BTBD7: variants seen among roughly 807,000 people sequenced by gnomAD.
BTBD7 encodes BTB domain containing 7.
Under a neutral mutation model 99.9 loss-of-function variants are expected in BTBD7, and 38 were observed. The observed-to-expected ratio is 0.38, with a 90% CI of 0.29 to 0.50. The LOEUF (loss-of-function observed/expected upper bound fraction) is 0.50, where lower values mean the gene tolerates loss of function less well. Ranked by LOEUF, BTBD7 falls within the 20% of genes least tolerant of loss-of-function variation. BTBD7 has a pLI of 0.93. For synonymous variants in BTBD7, 520 were observed against 511.4 expected, an observed-to-expected ratio of 1.02 and a Z score of -0.23; for missense variants, 1,170 against 1,394.6, an observed-to-expected ratio of 0.84 and a Z score of 2.57.
At chr14:93,329,707 C>G (rs752442807) in intron 1 of BTBD7, among the ~76,000 whole-genome samples, 1 of 152,206 alleles carries the variant, frequency 6.6e-6, no homozygotes, top group Non-Finnish European at 1.5e-5. Flanking sequence ...AGGACAAATA[C>G]TGTATAATTT....
At chr14:93,314,942 C>A (rs2053181460) in intron 1 of BTBD7, among the ~76,000 whole-genome samples, 1 of 151,956 alleles carries the variant, frequency 6.6e-6, no homozygotes, top group African/African-American at 2.4e-5. Flanking sequence ...TACAAATTTG[C>A]AACATTTTCT....
At chr14:93,292,225 T>C (rs940398078) in intron 3 of BTBD7, among the ~76,000 whole-genome samples, 3 of 152,050 alleles carry the variant, frequency 2.0e-5, no homozygotes, top group African/African-American at 7.2e-5. Flanking sequence ...AAGAATGCTT[T>C]CTCATACAAA....
rs202055956 is a variant in BTBD7 at position 93,242,464 on chromosome 14, G to A, written c.3208C>T (p.Pro1070Ser). 4.9e-5 allele frequency: 79 copies of A among 1,614,122 alleles called. No individual in the cohort carries two copies. Among genetic ancestry groups the A allele is most frequent in the Non-Finnish European group, 6.6e-5 (78 of 1,180,052 alleles). ...VETDLTFGLT[P>S]NRPSLSACSS... ...CATGCAGAAAGTGAAGGTCTGTTAG[G>A]AGTCAGCCCAAAAGTCAAGTCAGTT... The change falls in exon 11 of 11, where the codon CCT (proline) becomes TCT (serine). Residue 1070 changes from proline to serine, a missense_variant. By Grantham distance (74) the Pro-to-Ser change is moderately conservative (BLOSUM62 -1). Transcript: ENST00000334746.
At chr14:93,280,845 G>C (rs1427769078) in intron 3 of BTBD7, among the ~76,000 whole-genome samples, 1 of 148,366 alleles carries the variant, frequency 6.7e-6, no homozygotes, top group Admixed American at 6.9e-5. Flanking sequence ...TTATAAAAAG[G>C]CACCTTTTTT....
intron 1 of BTBD7, among the ~76,000 whole-genome samples, chr14:93,329,396 T>C (rs773534694): frequency 1.3e-5 from 2 of 152,090 alleles, no homozygotes; most frequent in Non-Finnish European, 2.9e-5. Context: ...GGTGAAGATG[T>C]AGAGAAACTG....
intron 9 of BTBD7, among the ~76,000 whole-genome samples, chr14:93,247,565 C>T (rs759940465): frequency 1.3e-5 from 2 of 152,112 alleles, no homozygotes; most frequent in Non-Finnish European, 2.9e-5. Flanking sequence ...AGGCTGGTCT[C>T]GAACTCCTGA....
rs2052426754 is a variant in BTBD7, at chr14:93,256,174, A to G, written c.1608+1021T>C. 3 of 152,136 alleles carry G rather than the reference A, an allele frequency of 2.0e-5. No individual in the cohort carries two copies. In the South Asian group the frequency reaches 6.2e-4, roughly 31 times the overall value. The allele number at this position is 152,136 out of a possible 1,614,324, so 9.4% of individuals were successfully genotyped here. A position where few individuals can be genotyped will look rare whatever the true frequency, so the allele number is the denominator to read the frequency against. ...TGTGTGCCAGTGAAACGATGGTTTA[A>G]CTTTCAATAAATTTCTTCTTCTGCT... On this transcript the variant is annotated intron_variant, in intron 6 of 10. Transcript: ENST00000334746.
intron 1 of BTBD7, among the ~76,000 whole-genome samples, chr14:93,305,016 A>G (rs2053054314): frequency 6.6e-6 from 1 of 152,224 alleles, no homozygotes; most frequent in Admixed American, 6.5e-5. Flanking sequence ...CCAAACTGTT[A>G]GATCATTAAA....
intron 10 of BTBD7, among the ~76,000 whole-genome samples, chr14:93,244,658 T>G (rs927614718): frequency 7.3e-5 from 11 of 151,664 alleles, no homozygotes; most frequent in African/African-American, 2.4e-4. Context: ...CTAAAATAAA[T>G]AAAGAAATAA....
intron 1 of BTBD7, among the ~76,000 whole-genome samples, chr14:93,306,166 T>C (rs1181337876): frequency 6.6e-6 from 1 of 152,090 alleles, no homozygotes; most frequent in Non-Finnish European, 1.5e-5. Context: ...GTAAGGGGAA[T>C]GGTGGAGAGG....
At chr14:93,258,590 A>G (rs1191585263) in intron 5 of BTBD7, among the ~76,000 whole-genome samples, 1 of 151,646 alleles carries the variant, frequency 6.6e-6, no homozygotes, top group South Asian at 2.1e-4. Flanking sequence ...TTATTTTTTT[A>G]TTATTATTTT....
intron 10 of BTBD7, among the ~76,000 whole-genome samples, 155 bp downstream of exon 10, chr14:93,245,670 T>C (rs868003908): frequency 1.3e-5 from 2 of 152,206 alleles, no homozygotes; most frequent in African/African-American, 2.4e-5. Flanking sequence ...ACTAGCGTTT[T>C]TCCCTCTTTT....
chr14:93,311,744 AATT>A (rs933496736), intron 1 of BTBD7, among the ~76,000 whole-genome samples: 8 of 131,488 alleles, frequency 6.1e-5, no homozygotes, highest in African/African-American at 2.4e-4. Context: ...AAATATTTTT[AATT>A]TTTTTTTTTT....
At position 93,332,860 on chromosome 14, in the gene BTBD7, G is replaced by T; in HGVS notation, c.-147C>A. 6.8e-7 allele frequency: 1 copy of T among 1,474,106 alleles called. No individual in the cohort carries two copies. The highest frequency in any genetic ancestry group is 3.0e-5 in the East Asian group (1 of 33,562). 91.3% of individuals were successfully genotyped at this position (1,474,106 alleles called of 1,614,324 possible). On this transcript the variant is annotated 5_prime_UTR_variant, in exon 1 of 11. Transcript: ENST00000334746. Reference sequence around the variant, plus strand: ...CGCCGCTGCTGCTGCCGCTGGGACCGCTGCCGTCGCCTCCGCCGCCGCCGC... The same window carrying T: ...CGCCGCTGCTGCTGCCGCTGGGACCTCTGCCGTCGCCTCCGCCGCCGCCGC...
chr14:93,319,144 T>C (rs1268195631), intron 1 of BTBD7, among the ~76,000 whole-genome samples: 1 of 152,168 alleles, frequency 6.6e-6, no homozygotes, highest in Non-Finnish European at 1.5e-5. Context: ...CATTTGAGGT[T>C]ACAGTGAGCA....
chr14:93,244,095 C>A, intron 10 of BTBD7: 4 of 484,146 alleles, frequency 8.3e-6, no homozygotes, highest in South Asian at 4.6e-5. Context: ...AGAGGAAGGG[C>A]AAGGATTCTC....
intron 6 of BTBD7, 63 bp from the exon 7 acceptor site, chr14:93,253,853 TAAA>T: frequency 1.5e-6 from 1 of 679,338 alleles, no homozygotes; most frequent in South Asian, 4.8e-5. Context: ...CTAAGATAAA[TAAA>T]AATATTTATA....
intron 8 of BTBD7, 97 bp downstream of exon 8, chr14:93,251,366 G>A (rs1245038580): frequency 3.2e-6 from 4 of 1,242,782 alleles, no homozygotes; most frequent in Admixed American, 2.4e-5. Flanking sequence ...TTGAAATGTG[G>A]AGAGAATTAG....
chr14:93,332,936 C>T lies in BTBD7; in HGVS notation c.-223G>A. ...GCCAGCACCCCCGGCCATCCTCCTC[C>T]CACCGCCGCCGCCGCCGCCCTCTCC... On this transcript the variant is annotated 5_prime_UTR_variant, in exon 1 of 11. Coordinates refer to ENST00000334746, the MANE Select transcript of BTBD7 (RefSeq NM_001002860.4). 1.1e-6 allele frequency: 1 copy of T among 885,666 alleles called. No homozygotes were observed. The highest frequency in any genetic ancestry group is 1.5e-6 in the Non-Finnish European group (1 of 662,310). 54.9% of individuals were successfully genotyped at this position (885,666 alleles called of 1,614,324 possible).
Sources: allele counts gnomAD v4.1 joint callset (sites outside exome capture counted in the v4.1 genomes callset), GRCh38; gene constraint gnomAD v4.1.1; transcripts MANE v1.5; gene names NCBI Gene and HGNC (gene_info 2026-07-23, HGNC 2026-07-21).